The following FTCDNL1 variants were observed in gnomAD, a reference collection of about 807,000 sequenced individuals.
The protein encoded by FTCDNL1 is formiminotransferase cyclodeaminase N-terminal like.
FTCDNL1 carries 11 observed loss-of-function variants against 5.9 expected under a neutral mutation model. The ratio of observed to expected loss-of-function variants is 1.87; its 90% confidence interval spans 1.18 to 3.10. The LOEUF (loss-of-function observed/expected upper bound fraction) is 3.10. Ranked by LOEUF, FTCDNL1 falls within the 30% of genes most tolerant of loss-of-function variation. The probability of loss-of-function intolerance (pLI) is 0.00; values close to 1 mark genes in which losing one functional copy is unlikely to be tolerated. For missense variants in FTCDNL1, 115 were observed against 65.5 expected, an observed-to-expected ratio of 1.76 and a Z score of -2.61; for synonymous variants, 58 against 24.8, an observed-to-expected ratio of 2.34 and a Z score of -3.99.
At chr2:199,678,401 T>C in the FTCDNL1 span, among the ~76,000 whole-genome samples, 1 of 152,140 alleles carries the variant, frequency 6.6e-6, no homozygotes, top group Non-Finnish European at 1.5e-5. Context: ...AACTGTAAGA[T>C]AGCCCCCTTA....
chr2:199,680,763 A>G, the FTCDNL1 span, among the ~76,000 whole-genome samples: 3 of 152,200 alleles, frequency 2.0e-5, no homozygotes. Flanking sequence ...CCTATATGAT[A>G]TTGGCAAATA....
the FTCDNL1 span, among the ~76,000 whole-genome samples, chr2:199,737,489 A>C: frequency 5.3e-5 from 8 of 152,226 alleles, no homozygotes; most frequent in Non-Finnish European, 1.2e-4. Flanking sequence ...CCAAATACTC[A>C]TAGGTATACT....
chr2:199,814,872 T>C (rs1348638456), intron 4 of FTCDNL1, among the ~76,000 whole-genome samples: 5 of 152,232 alleles, frequency 3.3e-5, no homozygotes, highest in Non-Finnish European at 5.9e-5. Context: ...TGCCTGATGA[T>C]GCATTTCTTA....
chr2:199,757,871 C>T (rs1410845473), downstream of FTCDNL1, among the ~76,000 whole-genome samples: 2 of 152,190 alleles, frequency 1.3e-5, no homozygotes, highest in African/African-American at 2.4e-5. Context: ...AGAACTTTTA[C>T]TCAGGAGCTT....
chr2:199,839,310 T>C (rs1204059462), intron 3 of FTCDNL1, among the ~76,000 whole-genome samples: 1 of 152,254 alleles, frequency 6.6e-6, no homozygotes, highest in African/African-American at 2.4e-5. Context: ...AAAAGGAACA[T>C]TTACAGAGTA....
intron 3 of FTCDNL1, among the ~76,000 whole-genome samples, chr2:199,820,845 A>G (rs1218923235): frequency 5.3e-5 from 8 of 152,148 alleles, no homozygotes; most frequent in Non-Finnish European, 8.8e-5. Context: ...GATGGCATAC[A>G]TTTTTGTCTG....
chr2:199,688,489 G>C, the FTCDNL1 span, among the ~76,000 whole-genome samples: 1 of 152,014 alleles, frequency 6.6e-6, no homozygotes, highest in Non-Finnish European at 1.5e-5. Flanking sequence ...TTCTGACCCT[G>C]ATTCAGGCTT....
chr2:199,746,625 T>G, the FTCDNL1 span, among the ~76,000 whole-genome samples: 2 of 152,068 alleles, frequency 1.3e-5, no homozygotes, highest in East Asian at 3.9e-4. Flanking sequence ...CAAGCTGGTT[T>G]TGAAAATCGA....
At chr2:199,805,831 A>G (rs1341042930), downstream of FTCDNL1, among the ~76,000 whole-genome samples, 2 of 151,866 alleles carry the variant, frequency 1.3e-5, no homozygotes, top group African/African-American at 2.4e-5. Context: ...AGGTGGGAGG[A>G]TCACTTCAGC....
the FTCDNL1 span, among the ~76,000 whole-genome samples, chr2:199,693,631 G>T: frequency 6.6e-6 from 1 of 152,112 alleles, no homozygotes; most frequent in Admixed American, 6.6e-5. Context: ...ACCTAGACCT[G>T]GTTCTATTGT....
chr2:199,826,905 C>A lies in FTCDNL1; in HGVS notation c.212-7148G>T, dbSNP rs113188713. ...GAAAAAAATTTTAATAGAAAAAAAT[C>A]CAACTAATAAATGCGGAAGTGATGA... On this transcript the variant is annotated intron_variant, in intron 3 of 4. Transcript: ENST00000420128. Among the ~76,000 whole-genome samples, 297 of 152,198 alleles carry A rather than the reference C, an allele frequency of 2.0e-3. 2 individuals carry two copies. The highest frequency in any genetic ancestry group is 6.6e-3 in the African/African-American group (274 of 41,524).
chr2:199,746,839 A>G, the FTCDNL1 span, among the ~76,000 whole-genome samples: 2 of 151,996 alleles, frequency 1.3e-5, no homozygotes, highest in African/African-American at 4.8e-5. Context: ...ATAATTAAAG[A>G]TGAGAGAATG....
chr2:199,786,581 A>G (rs1162155282), intron 3 of FTCDNL1, among the ~76,000 whole-genome samples: 1 of 152,210 alleles, frequency 6.6e-6, no homozygotes, highest in Non-Finnish European at 1.5e-5. Context: ...CACAAGACTG[A>G]GTCCACTGTT....
chr2:199,798,529 A>G (rs1037075032), intron 3 of FTCDNL1, among the ~76,000 whole-genome samples: 12 of 152,314 alleles, frequency 7.9e-5, no homozygotes, highest in African/African-American at 2.6e-4. Flanking sequence ...CATGGGACAC[A>G]TGAGGATGAG....
chr2:199,761,305 G>A (rs1035825412), intron 3 of FTCDNL1, among the ~76,000 whole-genome samples: 4 of 152,192 alleles, frequency 2.6e-5, no homozygotes, highest in African/African-American at 4.8e-5. Context: ...TGGCAGAGGC[G>A]ATCTGCCATG....
chr2:199,676,649 T>C, the FTCDNL1 span, among the ~76,000 whole-genome samples: 1 of 152,118 alleles, frequency 6.6e-6, no homozygotes, highest in African/African-American at 2.4e-5. Flanking sequence ...TCAAATATTT[T>C]CTTCCTTCAC....
chr2:199,759,275 G>A (rs536297639), downstream of FTCDNL1, among the ~76,000 whole-genome samples: 2 of 151,404 alleles, frequency 1.3e-5, no homozygotes, highest in East Asian at 3.9e-4. Flanking sequence ...GGAAAACTAT[G>A]GCTTTTTCCT....
the FTCDNL1 span, among the ~76,000 whole-genome samples, chr2:199,685,262 G>A: frequency 1.3e-5 from 2 of 152,108 alleles, no homozygotes; most frequent in Admixed American, 6.5e-5. Context: ...GAAATACCCA[G>A]CCCACATGGA....
In FTCDNL1 at chr2:199,810,830, C is replaced by T. The variant is rs776366660; in HGVS notation, c.*1875G>A. On this transcript the variant is annotated 3_prime_UTR_variant, in exon 5 of 5. Transcript: ENST00000420128. ...GATCATTCCTTAGCTACTATTTCAA[C>T]ATTATTTTACTGTCATTACTTTTTC... is the stretch of plus-strand genomic sequence containing the variant. Among the ~76,000 whole-genome samples the T allele has an allele frequency of 1.3e-5, 2 of 152,194 alleles. No homozygotes were observed. Among genetic ancestry groups the T allele is most frequent in the African/African-American group, 2.4e-5 (1 of 41,450 alleles).
Sources: gnomAD v4.1 joint callset for allele counts (sites outside exome capture counted in the v4.1 genomes callset) on GRCh38, gnomAD v4.1.1 for gene constraint, MANE v1.5 for transcripts, NCBI Gene and HGNC (gene_info 2026-07-23, HGNC 2026-07-21) for gene names.